The following CA6 variants were observed in gnomAD, a reference collection of about 807,000 sequenced individuals.
CA6 encodes carbonate dehydratase VI.
CA6 carries 28 observed loss-of-function variants against 35.9 expected under a neutral mutation model. The ratio of observed to expected loss-of-function variants is 0.78; its 90% CI spans 0.58 to 1.07. The LOEUF is 1.07. Ranked by LOEUF, CA6 falls within the 50% of genes least tolerant of loss-of-function variation. The pLI, the probability that CA6 is intolerant of heterozygous loss-of-function variation, is 0.00. For missense variants in CA6, 377 were observed against 382.0 expected (o/e 0.99, Z 0.11); for synonymous variants, 148 against 152.6 (o/e 0.97, Z 0.22).
At chr1:8,956,894 G>A (rs1328973001) in intron 2 of CA6, among the ~76,000 whole-genome samples, 1 of 152,218 alleles carries the variant, frequency 6.6e-6, no homozygotes, top group African/African-American at 2.4e-5. Flanking sequence ...GCGTGCTGGG[G>A]AGAGGCACTT....
intron 1 of CA6, among the ~76,000 whole-genome samples, chr1:8,948,595 G>C (rs921846353): frequency 6.6e-6 from 1 of 152,064 alleles, no homozygotes; most frequent in Admixed American, 6.5e-5. Context: ...CCCAGGAGCA[G>C]CACAGGAAGA....
chr1:8,957,127 G>C lies in CA6; in HGVS notation c.260-10G>C. On this transcript the variant is annotated splice_polypyrimidine_tract_variant and intron_variant, in intron 2 of 7. Transcript: ENST00000377443. ...CCTACTCTGCTCTCAGCCCCACCTT[G>C]TCTCTCCAGTGCAGATCAGCCTGCC... 6.3e-7 allele frequency: 1 copy of C among 1,590,556 alleles called. No homozygotes were observed. Among genetic ancestry groups the C allele is most frequent in the Non-Finnish European group, 8.6e-7 (1 of 1,164,976 alleles).
intron 2 of CA6, among the ~76,000 whole-genome samples, chr1:8,950,277 C>A (rs1351557120): frequency 1.3e-5 from 2 of 152,108 alleles, no homozygotes; most frequent in South Asian, 4.1e-4. Flanking sequence ...AGCCACCATG[C>A]CCGGCCTGGA....
Position 8,950,018 on chromosome 1 carries a change from T to C in CA6, c.259+576T>C, listed in dbSNP as rs193100812. ...TTTTTGAGACAGAGTCTCACTCTGTTGCCCAGGCTGGAGTGCAGTGGCAGG... is the reference window on the plus strand; with the variant it reads ...TTTTTGAGACAGAGTCTCACTCTGTCGCCCAGGCTGGAGTGCAGTGGCAGG... On this transcript the variant is annotated intron_variant, in intron 2 of 7. Coordinates refer to ENST00000377443, the MANE Select transcript of CA6 (RefSeq NM_001215.4). Among the ~76,000 whole-genome samples, 977 of 152,176 alleles carry C rather than the reference T, an allele frequency of 6.4e-3. 13 individuals carry two copies. Among genetic ancestry groups the C allele is most frequent in the African/African-American group, 0.023 (935 of 41,482 alleles).
In CA6 at chr1:8,949,426, C is replaced by T; in HGVS notation, c.243C>T (p.Val81=). 1 of 1,612,496 alleles carries T rather than the reference C, an allele frequency of 6.2e-7. No individual in the cohort carries two copies. Among genetic ancestry groups the T allele is most frequent in the South Asian group, 1.1e-5 (1 of 90,882 alleles). Residue 81 remains valine, a synonymous_variant, in exon 2 of 8, where the codon GTC becomes GTT. Transcript: ENST00000377443. ...CCCAGGCAGGGGAGTTCCCCATGGT[C>T]AACAATGGCCACACAGGTAAGAGGA... ...YETQAGEFPM[V]NNGHTVQISL... is the part of the protein sequence containing the mutation.
chr1:8,964,003 T>G (rs1220440501), intron 5 of CA6, among the ~76,000 whole-genome samples: 1 of 152,212 alleles, frequency 6.6e-6, no homozygotes, highest in South Asian at 2.1e-4. Flanking sequence ...CCCCTGGAGC[T>G]GACGCTCCCA....
At chr1:8,947,148 A>C (rs925302934) in intron 1 of CA6, among the ~76,000 whole-genome samples, 1 of 152,048 alleles carries the variant, frequency 6.6e-6, no homozygotes, top group Non-Finnish European at 1.5e-5. Flanking sequence ...CCTGGCATTC[A>C]ACATGGGTTC....
Position 8,946,804 on chromosome 1 carries a change from TG to T in CA6, c.79+840del, listed in dbSNP as rs1255923137. On this transcript the variant is annotated intron_variant, in intron 1 of 7. Transcript: ENST00000377443. ...CCAAAATGAGAGGTGTTTTTTTTTT[TG>T]TTTTTTTTTTTTTTTTGAGACAGAG... Among the ~76,000 whole-genome samples, 868 of 122,642 alleles carry T rather than the reference TG, an allele frequency of 7.1e-3. 10 individuals carry two copies. The highest frequency in any genetic ancestry group is 0.024 in the African/African-American group (731 of 30,080). 80.5% of individuals were successfully genotyped at this position (122,642 alleles called of 152,430 possible).
chr1:8,974,913 C>A lies in CA6; in HGVS notation c.*209C>A, dbSNP rs3737664. On this transcript the variant is annotated 3_prime_UTR_variant, in exon 8 of 8. Coordinates refer to ENST00000377443, the MANE Select transcript of CA6 (RefSeq NM_001215.4). ...AGTGAGATGGCTTCAGTTCATGAGA[C>A]GGGATCTGAGTTAGACATCACCAGT... The A allele has an allele frequency of 0.012, 5,398 of 449,934 alleles. 237 individuals are homozygous for A. Among genetic ancestry groups the A allele is most frequent in the African/African-American group, 0.089 (4,334 of 48,760 alleles). The allele number at this position is 449,934 out of a possible 1,614,324, so 27.9% of individuals were successfully genotyped here. A position where few individuals can be genotyped will look rare whatever the true frequency, so the allele number is the denominator to read the frequency against.
At chr1:8,956,193 A>G (rs1639677729) in intron 2 of CA6, among the ~76,000 whole-genome samples, 1 of 152,184 alleles carries the variant, frequency 6.6e-6, no homozygotes. Context: ...ACTGCACTCC[A>G]GCCTGGGTGA....
chr1:8,955,272 G>T (rs901286680), intron 2 of CA6, among the ~76,000 whole-genome samples: 1 of 152,130 alleles, frequency 6.6e-6, no homozygotes, highest in Non-Finnish European at 1.5e-5. Flanking sequence ...GCTACTTGAG[G>T]GGCTGAGGCA....
intron 7 of CA6, 86 bp from the exon 8 acceptor site, chr1:8,974,536 G>T: frequency 7.0e-7 from 1 of 1,420,788 alleles, no homozygotes; most frequent in Non-Finnish European, 9.7e-7. Flanking sequence ...ATACGATGCG[G>T]GTATGGTGTC....
intron 1 of CA6, 125 bp downstream of exon 1, chr1:8,946,090 T>G (rs1569641827): frequency 1.2e-5 from 8 of 647,630 alleles, no homozygotes; most frequent in Admixed American, 8.6e-5. Context: ...CAGGCTTGAG[T>G]ACAGTAGTGT....
rs774516209 is a variant in CA6, at chr1:8,970,947, C to T, written c.810C>T (p.Asn270=). The change falls in exon 7 of 8, where the codon AAC becomes AAT. Residue 270 remains asparagine, a synonymous_variant. Transcript: ENST00000377443. ...HNDYRRTQPL[N]HRVVESNFPN... ...ATTACCGCAGGACCCAGCCCCTGAA[C>T]CACAGAGTGGTGGAATCCAACTTCC... 1 of 1,613,814 alleles carries T rather than the reference C, an allele frequency of 6.2e-7. No individual in the cohort carries two copies. Among genetic ancestry groups the T allele is most frequent in the South Asian group, 1.1e-5 (1 of 91,078 alleles).
chr1:8,948,100 G>C (rs1046189489), intron 1 of CA6, among the ~76,000 whole-genome samples: 1 of 151,842 alleles, frequency 6.6e-6, no homozygotes, highest in Non-Finnish European at 1.5e-5. Flanking sequence ...CACCCGCCTC[G>C]GCCTCCCAAA....
At chr1:8,972,648 A>AGT (rs1640140091) in intron 7 of CA6, among the ~76,000 whole-genome samples, 1 of 152,000 alleles carries the variant, frequency 6.6e-6, no homozygotes, top group East Asian at 1.9e-4. Flanking sequence ...GCGCCACTGC[A>AGT]CTCCAGCCTG....
intron 1 of CA6, among the ~76,000 whole-genome samples, chr1:8,948,015 T>C (rs1639414043): frequency 6.6e-6 from 1 of 152,056 alleles, no homozygotes; most frequent in African/African-American, 2.4e-5. Context: ...CGGCTGATTG[T>C]TTTTTATTTT....
intron 4 of CA6, among the ~76,000 whole-genome samples, chr1:8,962,288 G>C (rs1639861477): frequency 6.6e-6 from 1 of 151,470 alleles, no homozygotes; most frequent in Admixed American, 6.6e-5. Context: ...GCGCACAGGG[G>C]ACTTTTTTAG....
chr1:8,949,485 C>T (rs748577360), intron 2 of CA6, 43 bp downstream of exon 2: 1 of 1,547,474 alleles, frequency 6.5e-7, no homozygotes, highest in South Asian at 1.1e-5. Context: ...CATGGGCAGC[C>T]TGCAGGGGAA....
Sources: gnomAD v4.1 joint callset for allele counts (sites outside exome capture counted in the v4.1 genomes callset) on GRCh38, gnomAD v4.1.1 for gene constraint, MANE v1.5 for transcripts, NCBI Gene and HGNC (gene_info 2026-07-23, HGNC 2026-07-21) for gene names.